ZNF232: variants seen among roughly 807,000 people sequenced by gnomAD.
ZNF232 encodes zinc finger protein 232, also known as zinc finger and SCAN domain-containing protein 11.
A neutral mutation model predicts 25.2 loss-of-function variants in ZNF232; 25 were observed. The observed-to-expected ratio is 0.99, with a 90% CI of 0.72 to 1.39. The LOEUF is 1.39. ZNF232 is among the 40% of genes most tolerant of loss of function. ZNF232 has a pLI of 0.00. For synonymous variants in ZNF232, 193 were observed against 182.9 expected (o/e 1.06, Z -0.45); for missense variants, 519 against 520.9 (o/e 1.00, Z 0.04).
chr17:5,109,865 C>A, exon 2 of ZNF232: 1 of 1,592,784 alleles, frequency 6.3e-7, no homozygotes. Context: ...CTTGCAAGGG[C>A]CCCCTGTAAC....
At chr17:5,117,416 T>G (rs972121509) in intron 1 of ZNF232, among the ~76,000 whole-genome samples, 1 of 150,116 alleles carries the variant, frequency 6.7e-6, no homozygotes, top group South Asian at 2.1e-4. Flanking sequence ...CTCAGGAGGC[T>G]GAGGCAGGAG....
At chr17:5,115,387 A>C (rs1389439603), upstream of ZNF232, among the ~76,000 whole-genome samples, 2 of 151,940 alleles carry the variant, frequency 1.3e-5, no homozygotes, top group Admixed American at 6.6e-5. Flanking sequence ...CCCTCTCTCT[A>C]CTAAAAATAC....
At chr17:5,111,937 C>T, upstream of ZNF232, 1 of 1,459,678 alleles carries the variant, frequency 6.9e-7, no homozygotes, top group South Asian at 1.3e-5. Flanking sequence ...CCGCCGGCTT[C>T]CGTTCGCGGA....
At chr17:5,111,935 T>A (rs2072425506), upstream of ZNF232, 1 of 1,464,758 alleles carries the variant, frequency 6.8e-7, no homozygotes, top group South Asian at 1.3e-5. Context: ...CGCCGCCGGC[T>A]TCCGTTCGCG....
upstream of ZNF232, among the ~76,000 whole-genome samples, chr17:5,112,716 T>A (rs929089470): frequency 6.6e-6 from 1 of 151,952 alleles, no homozygotes; most frequent in African/African-American, 2.4e-5. Context: ...CCTCCCAAAG[T>A]GCTGGGTTTA....
At chr17:5,113,096 C>T (rs1043598926), upstream of ZNF232, among the ~76,000 whole-genome samples, 5 of 152,152 alleles carry the variant, frequency 3.3e-5, no homozygotes, top group South Asian at 2.1e-4. Context: ...CTGTGTAGTA[C>T]CATAGTAACA....
chr17:5,114,824 G>A (rs1382839154), upstream of ZNF232: 2 of 151,988 alleles, frequency 1.3e-5, no homozygotes, highest in East Asian at 1.9e-4. Flanking sequence ...GTGAGACTCC[G>A]TCCCAAAAAA....
chr17:5,119,922 G>A (rs2072614403), intron 1 of ZNF232, among the ~76,000 whole-genome samples: 1 of 152,084 alleles, frequency 6.6e-6, no homozygotes, highest in Admixed American at 6.6e-5. Flanking sequence ...TGTCGGACTT[G>A]TATCCACCCC....
intron 3 of ZNF232, among the ~76,000 whole-genome samples, chr17:5,108,169 G>A (rs1344046393): frequency 8.3e-6 from 1 of 120,640 alleles, no homozygotes; most frequent in Admixed American, 9.8e-5. Context: ...TGATAGTGAT[G>A]GGGGGGCAGT....
chr17:5,106,366 C>G, exon 4 of ZNF232: 1 of 1,614,214 alleles, frequency 6.2e-7, no homozygotes, highest in South Asian at 1.1e-5. Flanking sequence ...TGCTGCAGTT[C>G]TAAGGTACCC....
chr17:5,106,393 A>G (rs768484061), exon 4 of ZNF232: 2 of 1,614,170 alleles, frequency 1.2e-6, no homozygotes, highest in Admixed American at 3.3e-5. Flanking sequence ...GTAGCTTCAA[A>G]TGTAGAGGTG....
At chr17:5,117,284 G>A (rs4318270) in intron 1 of ZNF232, among the ~76,000 whole-genome samples, 75,665 of 151,956 alleles carry the variant, frequency 0.5, 21,013 homozygotes, top group Non-Finnish European at 0.64. Context: ...TTGGGAGGCC[G>A]AGGCGGGTGG....
At position 5,111,746 on chromosome 17, in the gene ZNF232, G is replaced by A. The variant is rs533982299; in HGVS notation, c.23+54C>T. On this transcript the variant is annotated intron_variant, in intron 1 of 3. Transcript: ENST00000575898. ...GCAGAGCCGCCGCTGCCTGCGGGAC[G>A]GGCAAAAGCCAAGCCGCCAGGTGGA... 40 of 1,612,626 alleles carry A rather than the reference G, an allele frequency of 2.5e-5. No individual in the cohort carries two copies. In the Admixed American group the frequency reaches 3.5e-4, roughly 14 times the overall value.
intron 1 of ZNF232, among the ~76,000 whole-genome samples, chr17:5,110,285 C>A (rs1019940140): frequency 6.6e-6 from 1 of 152,262 alleles, no homozygotes; most frequent in South Asian, 2.1e-4. Context: ...GCTTTTTCTT[C>A]CACCCCTCCC....
At chr17:5,114,097 A>G (rs2072475866), upstream of ZNF232, 1 of 152,140 alleles carries the variant, frequency 6.6e-6, no homozygotes, top group African/African-American at 2.4e-5. Context: ...GACAAAAACA[A>G]ACTCTCCTTC....
At chr17:5,121,567 T>A (rs2072666019) in intron 1 of ZNF232, 1 of 166,046 alleles carries the variant, frequency 6.0e-6, no homozygotes, top group Admixed American at 6.0e-5. Context: ...TGCTTGGAGG[T>A]GTGTTACGGG....
intron 1 of ZNF232, chr17:5,121,322 T>A (rs530652969): frequency 5.8e-6 from 2 of 344,112 alleles, no homozygotes; most frequent in South Asian, 4.6e-5. Flanking sequence ...CCCTTTCCTG[T>A]GCCCCACTTC....
chr17:5,111,518 G>A (rs1374888764), intron 1 of ZNF232: 2 of 483,844 alleles, frequency 4.1e-6, no homozygotes, highest in Non-Finnish European at 7.2e-6. Context: ...CCGGGGAGGG[G>A]GCTGTCGTCC....
intron 3 of ZNF232, among the ~76,000 whole-genome samples, chr17:5,108,007 G>A (rs1227151446): frequency 6.6e-6 from 1 of 152,072 alleles, no homozygotes. Context: ...AGAAGTAAAG[G>A]AGACAAGAAA....
Sources: allele counts gnomAD v4.1 joint callset (sites outside exome capture counted in the v4.1 genomes callset), GRCh38; gene constraint gnomAD v4.1.1; transcripts MANE v1.5; gene names NCBI Gene and HGNC (gene_info 2026-07-23, HGNC 2026-07-21).